Variants in ZYG11B observed in about 807,000 individuals in gnomAD.
ZYG11B encodes the protein protein zyg-11 homolog B.
A neutral mutation model predicts 82.4 loss-of-function variants in ZYG11B; 36 were observed. The observed-to-expected ratio is 0.44, with a 90% confidence interval of 0.33 to 0.58. ZYG11B has a LOEUF of 0.58. Among genes scored for constraint, ZYG11B ranks in the 20% least tolerant of loss-of-function variants. The pLI, the probability that ZYG11B is intolerant of heterozygous loss-of-function variation, is 0.02. For synonymous variants in ZYG11B, 303 were observed against 312.8 expected, an observed-to-expected ratio of 0.97 and a Z score of 0.33; for missense variants, 552 against 895.6, an observed-to-expected ratio of 0.62 and a Z score of 4.90.
chr1:52,741,027 G>T (rs1354857662), intron 1 of ZYG11B, among the ~76,000 whole-genome samples: 3 of 151,782 alleles, frequency 2.0e-5, no homozygotes, highest in Non-Finnish European at 4.4e-5. Context: ...GCTGGGCGGG[G>T]TGGCTCATGC....
chr1:52,808,025 A>G (rs982774360), intron 10 of ZYG11B, among the ~76,000 whole-genome samples: 1 of 152,122 alleles, frequency 6.6e-6, no homozygotes, highest in Non-Finnish European at 1.5e-5. Context: ...TTATCTTTGT[A>G]CTTATGTATG....
Position 52,771,860 on chromosome 1 carries a change from T to C in ZYG11B, c.951+86T>C. Reference sequence around the variant, plus strand: ...CTATTAAAGATGAATGTCTGTAATATATGGAACATGTTCATGAAACAGGGC... The same window carrying C: ...CTATTAAAGATGAATGTCTGTAATACATGGAACATGTTCATGAAACAGGGC... On this transcript the variant is annotated intron_variant, in intron 3 of 13. Transcript: ENST00000294353. The surrounding 1 kb of genome is among the most constrained non-coding windows in gnomAD (Gnocchi z 5.4). 2 of 1,425,748 alleles carry C rather than the reference T, an allele frequency of 1.4e-6. No individual in the cohort carries two copies. The highest frequency in any genetic ancestry group is 1.4e-5 in the South Asian group (1 of 72,496). 88.3% of individuals were successfully genotyped at this position (1,425,748 alleles called of 1,614,324 possible).
At chr1:52,790,589 C>T (rs560087457) in intron 6 of ZYG11B, among the ~76,000 whole-genome samples, 3 of 151,972 alleles carry the variant, frequency 2.0e-5, no homozygotes, top group South Asian at 2.1e-4. Flanking sequence ...GGTGTGGTGG[C>T]GCACGCCTGG....
In ZYG11B at chr1:52,771,433, C is replaced by T. The variant is rs1644749337; in HGVS notation, c.610C>T (p.Leu204=). Residue 204 remains leucine (L), a synonymous_variant, in exon 3 of 14, where the codon CTA becomes TTA. Coordinates refer to ENST00000294353, the MANE Select transcript of ZYG11B (RefSeq NM_024646.3). This position sits in a 1 kb window ranked among gnomAD's most constrained non-coding sequence, Gnocchi z 5.4. The part of the protein sequence containing the change: ...SNTSITDITA[L]LACKDRLKSL... ...CACCTCAATCACAGACATCACTGCT[C>T]TACTGGCCTGCAAAGACCGACTCAA... The T allele has an allele frequency of 6.2e-7, 1 of 1,614,012 alleles. No homozygotes were observed.
At chr1:52,814,965 T>C (rs562835643) in intron 12 of ZYG11B, among the ~76,000 whole-genome samples, 2 of 151,866 alleles carry the variant, frequency 1.3e-5, no homozygotes, top group South Asian at 4.2e-4. Flanking sequence ...CGAGACCAGC[T>C]TGGCCAACAT....
Position 52,803,279 on chromosome 1 carries a change from C to CACACAT in ZYG11B, c.1695+1141_1695+1142insCACATA, listed in dbSNP as rs369258244. Among the ~76,000 whole-genome samples, 172 of 68,078 alleles carry CACACAT rather than the reference C, an allele frequency of 2.5e-3. 11 individuals are homozygous for CACACAT. Among genetic ancestry groups the CACACAT allele is most frequent in the East Asian group, 9.4e-3 (22 of 2,342 alleles). 44.7% of individuals were successfully genotyped at this position (68,078 alleles called of 152,430 possible). A position where few individuals can be genotyped will look rare whatever the true frequency, so the allele number is the denominator to read the frequency against. ...ATATATATATATACACACACACACA[C>CACACAT]ATATATATATATATATATACACATA... On this transcript the variant is annotated intron_variant, in intron 10 of 13. Coordinates refer to ENST00000294353, the MANE Select transcript of ZYG11B (RefSeq NM_024646.3).
At chr1:52,768,655 C>T (rs1476129799) in intron 2 of ZYG11B, among the ~76,000 whole-genome samples, 6 of 145,734 alleles carry the variant, frequency 4.1e-5, no homozygotes, top group East Asian at 2.0e-4. Flanking sequence ...AGTGCAGTGG[C>T]GCCATCTCGG....
chr1:52,819,777 C>T (rs1645266510), intron 13 of ZYG11B, among the ~76,000 whole-genome samples: 1 of 143,424 alleles, frequency 7.0e-6, no homozygotes, highest in Non-Finnish European at 1.5e-5. Context: ...CAGAGTGAGA[C>T]TCTGTCTGAA....
intron 13 of ZYG11B, among the ~76,000 whole-genome samples, chr1:52,818,782 A>G (rs1645256106): frequency 6.8e-6 from 1 of 146,254 alleles, no homozygotes; most frequent in Admixed American, 6.9e-5. Flanking sequence ...ATTTAGTGAG[A>G]TTTTCGCTTG....
chr1:52,797,243 G>A lies in ZYG11B; in HGVS notation c.1485+459G>A, dbSNP rs1471407432. Among the ~76,000 whole-genome samples, 7 of 63,400 alleles carry A rather than the reference G, an allele frequency of 1.1e-4. No homozygotes were observed. The East Asian group carries it at 2.6e-3, about 23-fold the overall frequency. 41.6% of individuals were successfully genotyped at this position (63,400 alleles called of 152,430 possible). ...AATATATATTATATAATATAAATTTGTATATATAATATATATTTATATTAT... is the reference window on the plus strand; with the variant it reads ...AATATATATTATATAATATAAATTTATATATATAATATATATTTATATTAT... On this transcript the variant is annotated intron_variant, in intron 8 of 13. Coordinates refer to ENST00000294353, the MANE Select transcript of ZYG11B (RefSeq NM_024646.3).
At chr1:52,773,338 G>T (rs1048608850) in intron 3 of ZYG11B, among the ~76,000 whole-genome samples, 1 of 151,372 alleles carries the variant, frequency 6.6e-6, no homozygotes, top group Admixed American at 6.6e-5. Context: ...GCCAGCCATG[G>T]TGGCATGTGC....
At chr1:52,797,029 ATT>A (rs1645019967) in intron 8 of ZYG11B, among the ~76,000 whole-genome samples, 53 of 93,672 alleles carry the variant, frequency 5.7e-4, no homozygotes, top group African/African-American at 2.3e-3. Context: ...TTATATATAA[ATT>A]TATATATATA....
chr1:52,792,915 A>G (rs529122321), intron 6 of ZYG11B, among the ~76,000 whole-genome samples: 49 of 152,224 alleles, frequency 3.2e-4, no homozygotes, highest in African/African-American at 1.1e-3. Flanking sequence ...ATCTCGGCTC[A>G]CTGCAACCTC....
At chr1:52,727,368 C>G (rs376260919) in intron 1 of ZYG11B, among the ~76,000 whole-genome samples, 1 of 152,152 alleles carries the variant, frequency 6.6e-6, no homozygotes, top group African/African-American at 2.4e-5. Context: ...TCCTGGAAGC[C>G]TATTCACCTA....
intron 1 of ZYG11B, among the ~76,000 whole-genome samples, chr1:52,750,254 T>C (rs1022413098): frequency 6.8e-6 from 1 of 148,014 alleles, no homozygotes; most frequent in Admixed American, 6.8e-5. Flanking sequence ...TGAGCCACTC[T>C]GCCTGGCCCC....
At chr1:52,740,910 G>A (rs573443078) in intron 1 of ZYG11B, among the ~76,000 whole-genome samples, 2 of 89,558 alleles carry the variant, frequency 2.2e-5, no homozygotes, top group African/African-American at 1.4e-4. Context: ...AATGATTGCA[G>A]TTGGGGCGGG....
intron 1 of ZYG11B, among the ~76,000 whole-genome samples, chr1:52,741,915 T>C (rs1644434305): frequency 1.3e-5 from 2 of 152,140 alleles, no homozygotes; most frequent in Non-Finnish European, 2.9e-5. Context: ...ATCCAGGCAG[T>C]CTGACTCCCA....
intron 1 of ZYG11B, among the ~76,000 whole-genome samples, chr1:52,756,054 C>T (rs959344031): frequency 6.6e-6 from 1 of 152,194 alleles, no homozygotes; most frequent in Non-Finnish European, 1.5e-5. Flanking sequence ...CCCACCTCGG[C>T]CCTACCCTAT....
chr1:52,790,006 C>A lies in ZYG11B; in HGVS notation c.1273C>A (p.Gln425Lys). ...TTTTCTTCCTTTGATTCTTTAGTTA[C>A]AGAAGAATTGCCTCCTTTCACTTTG... ...MEHFPNHQQL[Q>K]KNCLLSLCSD... Residue 425 changes from glutamine to lysine, a missense_variant, in exon 6 of 14, where the codon CAG becomes AAG. This residue lies in a region of ZYG11B where 359 missense variants were observed against 555.8 expected (regional missense o/e 0.65). Transcript: ENST00000294353. 6.4e-7 allele frequency: 1 copy of A among 1,573,690 alleles called. No individual in the cohort carries two copies. Among genetic ancestry groups the A allele is most frequent in the Non-Finnish European group, 8.6e-7 (1 of 1,156,920 alleles).
Sources: gnomAD v4.1 joint callset for allele counts (sites outside exome capture counted in the v4.1 genomes callset) on GRCh38, gnomAD v4.1.1 for gene constraint, gnomAD v4.1.1 regional missense constraint, Gnocchi (gnomAD v3.1) non-coding constraint, MANE v1.5 for transcripts, NCBI Gene and HGNC (gene_info 2026-07-23, HGNC 2026-07-21) for gene names.